The following MEP1A variants were observed in gnomAD, a reference collection of about 807,000 sequenced individuals.
The protein encoded by MEP1A is N-benzoyl-L-tyrosyl-P-amino-benzoic acid hydrolase subunit alpha.
Under a neutral mutation model 84.5 loss-of-function variants are expected in MEP1A, and 68 were observed. The ratio of observed to expected loss-of-function variants is 0.80; its 90% CI spans 0.66 to 0.98. MEP1A has a LOEUF of 0.98. MEP1A is among the 50% of genes least tolerant of loss of function. The pLI is 0.00. For missense variants in MEP1A, 887 were observed against 919.9 expected (o/e 0.96, Z 0.46); for synonymous variants, 337 against 336.8 (o/e 1.00, Z -0.01).
chr6:46,830,360 C>T (rs1768052315), intron 10 of MEP1A, among the ~76,000 whole-genome samples: 1 of 150,214 alleles, frequency 6.7e-6, no homozygotes, highest in African/African-American at 2.5e-5. Flanking sequence ...TTGAAGCCTA[C>T]TTGTGAAGTT....
rs1562106720 is a variant in MEP1A at position 46,807,582 on chromosome 6, AAGG to A, written c.263-1836_263-1834del. On this transcript the variant is annotated intron_variant, in intron 5 of 13. Coordinates refer to ENST00000230588, the MANE Select transcript of MEP1A (RefSeq NM_005588.3). ...AAAGAAAGAAAGGAAGGAAGGAAGG[AAGG>A]AAGGAAGGAAGGAAGGAAGGAAGGA... is the stretch of plus-strand genomic sequence containing the variant. Among the ~76,000 whole-genome samples the A allele has an allele frequency of 2.2e-4, 18 of 83,446 alleles. 1 individual carries two copies. The highest frequency in any genetic ancestry group is 9.4e-4 in the African/African-American group (17 of 18,104). The allele number at this position is 83,446 out of a possible 152,430, so 54.7% of individuals were successfully genotyped here.
intron 6 of MEP1A, among the ~76,000 whole-genome samples, chr6:46,815,493 G>A (rs979103866): frequency 6.6e-6 from 1 of 152,150 alleles, no homozygotes; most frequent in African/African-American, 2.4e-5. Flanking sequence ...GGTGACCAAG[G>A]TTGAGAACTT....
At chr6:46,820,378 AT>A (rs1767740518) in intron 7 of MEP1A, among the ~76,000 whole-genome samples, 1 of 151,842 alleles carries the variant, frequency 6.6e-6, no homozygotes, top group Non-Finnish European at 1.5e-5. Context: ...TAACTATTTC[AT>A]TGTTCTTTAG....
rs367885993 is a variant in MEP1A at position 46,835,231 on chromosome 6, ACT to A, written c.1784-13_1784-12del. The A allele has an allele frequency of 1.3e-6, 2 of 1,564,172 alleles. No individual in the cohort carries two copies. The highest frequency in any genetic ancestry group is 1.4e-5 in the African/African-American group (1 of 72,474). On this transcript the variant is annotated splice_polypyrimidine_tract_variant and intron_variant, in intron 12 of 13. Coordinates refer to ENST00000230588, the MANE Select transcript of MEP1A (RefSeq NM_005588.3). ...TTACTAATCCTGGATCTTCCTCATG[ACT>A]CTCTATTTCCTGAAGATATCACCCA...
intron 9 of MEP1A, among the ~76,000 whole-genome samples, chr6:46,827,245 C>A (rs1378696458): frequency 6.6e-6 from 1 of 152,134 alleles, no homozygotes; most frequent in Admixed American, 6.5e-5. Flanking sequence ...CATGTGTGTG[C>A]TTTTTCTAAA....
chr6:46,844,672 G>A (rs951696419), downstream of MEP1A, among the ~76,000 whole-genome samples: 37 of 152,172 alleles, frequency 2.4e-4, no homozygotes, highest in African/African-American at 8.2e-4. Flanking sequence ...TCAGATACCA[G>A]CCCCCAACAA....
chr6:46,841,814 C>A (rs986345433), downstream of MEP1A, among the ~76,000 whole-genome samples: 1 of 152,218 alleles, frequency 6.6e-6, no homozygotes, highest in Non-Finnish European at 1.5e-5. Context: ...CTCTAACCCC[C>A]TCTCTGATGA....
rs1235812015 is a variant in MEP1A, at chr6:46,798,996, T to C, written c.187-110T>C. ...ATCAAAAGACAAATTGCCACTAAAC[T>C]GTTTGAGTTGTGTGATAGACTGTTT... On this transcript the variant is annotated intron_variant, in intron 4 of 13. Coordinates refer to ENST00000230588, the MANE Select transcript of MEP1A (RefSeq NM_005588.3). 2.6e-5 allele frequency: 19 copies of C among 718,784 alleles called. No homozygotes were observed. The East Asian group carries it at 4.7e-4, about 18-fold the overall frequency. The allele number at this position is 718,784 out of a possible 1,614,324, so 44.5% of individuals were successfully genotyped here.
chr6:46,841,563 G>A (rs1321320733), downstream of MEP1A, among the ~76,000 whole-genome samples: 1 of 152,176 alleles, frequency 6.6e-6, no homozygotes, highest in Non-Finnish European at 1.5e-5. Flanking sequence ...TGAGCAACAT[G>A]AAAAATGTGG....
intron 6 of MEP1A, among the ~76,000 whole-genome samples, chr6:46,818,737 G>A (rs1444698495): frequency 1.3e-5 from 2 of 152,104 alleles, no homozygotes; most frequent in East Asian, 1.9e-4. Context: ...TGCTATTTCC[G>A]AAGACATGGA....
At chr6:46,835,694 G>A in intron 13 of MEP1A, 145 bp downstream of exon 13, 1 of 882,856 alleles carries the variant, frequency 1.1e-6, no homozygotes, top group South Asian at 1.6e-5. Flanking sequence ...ACTCTACAAA[G>A]GTGTGCCCTG....
Position 46,826,378 on chromosome 6 carries a change from A to G in MEP1A, c.803A>G (p.His268Arg). Reference sequence around the variant, plus strand: ...GCCACAACTCACACTCTTTTGGACCACTGTACTTTTGAGAAGGCAAACATC... The same window carrying G: ...GCCACAACTCACACTCTTTTGGACCGCTGTACTTTTGAGAAGGCAAACATC... ...NCTTTHTLLD[H>R]CTFEKANICG... Residue 268 changes from histidine (H) to arginine (R), a missense_variant, in exon 9 of 14, where the codon CAC becomes CGC. By Grantham distance (29) the His-to-Arg change is conservative. Transcript: ENST00000230588. 1.2e-6 allele frequency: 2 copies of G among 1,607,908 alleles called. No individual in the cohort carries two copies. Among genetic ancestry groups the G allele is most frequent in the Non-Finnish European group, 1.7e-6 (2 of 1,177,224 alleles).
At chr6:46,816,366 AG>A (rs1767635418) in intron 6 of MEP1A, among the ~76,000 whole-genome samples, 1 of 152,162 alleles carries the variant, frequency 6.6e-6, no homozygotes, top group South Asian at 2.1e-4. Flanking sequence ...GCAGGCTTAC[AG>A]TTACCAGGTG....
chr6:46,845,303 G>A, the MEP1A span, among the ~76,000 whole-genome samples: 1 of 152,174 alleles, frequency 6.6e-6, no homozygotes, highest in South Asian at 2.1e-4. Flanking sequence ...ACTGATAACG[G>A]GACATAATGG....
rs778679662 is a variant in MEP1A, at chr6:46,798,573, A to G, written c.146-33A>G. The stretch of plus-strand genomic sequence containing the variant: ...ATGCCTTTTAATAATGTTCACTCAA[A>G]TATTCTTTTTTTAAAAAAAATTCCA... On this transcript the variant is annotated intron_variant, in intron 3 of 13. Transcript: ENST00000230588. The G allele has an allele frequency of 5.7e-6, 9 of 1,578,220 alleles. No individual in the cohort carries two copies. In the East Asian group the frequency reaches 2.0e-4, roughly 35 times the overall value.
At chr6:46,815,059 G>A (rs1391558979) in intron 6 of MEP1A, among the ~76,000 whole-genome samples, 2 of 152,226 alleles carry the variant, frequency 1.3e-5, no homozygotes, top group South Asian at 2.1e-4. Context: ...GAGTGCATCA[G>A]CTACGGTCCT....
At chr6:46,813,237 C>T (rs981079471) in intron 6 of MEP1A, among the ~76,000 whole-genome samples, 3 of 152,090 alleles carry the variant, frequency 2.0e-5, no homozygotes, top group Non-Finnish European at 2.9e-5. Flanking sequence ...GGCCTCAAAA[C>T]CATGCAAATA....
At chr6:46,842,295 T>C (rs1434344704), downstream of MEP1A, among the ~76,000 whole-genome samples, 1 of 152,170 alleles carries the variant, frequency 6.6e-6, no homozygotes, top group Non-Finnish European at 1.5e-5. Context: ...TGACTGCCTG[T>C]GGGGTCGGGC....
At chr6:46,809,661 C>T (rs1767446163) in intron 6 of MEP1A, 124 bp downstream of exon 6, 1 of 623,574 alleles carries the variant, frequency 1.6e-6, no homozygotes, top group Non-Finnish European at 2.9e-6. Context: ...AACTTAGCTC[C>T]CACATATGAG....
Sources: allele counts gnomAD v4.1 joint callset (sites outside exome capture counted in the v4.1 genomes callset), GRCh38; gene constraint gnomAD v4.1.1; transcripts MANE v1.5; gene names NCBI Gene and HGNC (gene_info 2026-07-23, HGNC 2026-07-21).